Variants in DRICH1 observed in about 807,000 individuals in gnomAD.
The protein encoded by DRICH1 is aspartate rich 1, also known as aspartate-rich protein 1.
In DRICH1, 38 loss-of-function variants were observed where a neutral mutation model predicts 39.5. That is an observed-to-expected ratio of 0.96 (90% CI 0.74 to 1.26). DRICH1 has a LOEUF of 1.26. Among genes scored for constraint, DRICH1 ranks in the 50% most tolerant of loss-of-function variants. The pLI is 0.00. For missense variants in DRICH1, 279 were observed against 270.4 expected (o/e 1.03, Z -0.22); for synonymous variants, 84 against 99.5 (o/e 0.84, Z 0.93).
intron 6 of DRICH1, among the ~76,000 whole-genome samples, chr22:23,618,852 T>TTCAGACATACAAAATATTGGTATAAGA (rs1927535639): frequency 2.6e-5 from 4 of 152,158 alleles, no homozygotes; most frequent in Non-Finnish European, 5.9e-5. Flanking sequence ...TGCCTATTCA[T>TTCAGACATACAAAATATTGGTATAAGA]TCAGACATAC....
the DRICH1 span, among the ~76,000 whole-genome samples, chr22:23,582,074 G>C: frequency 1.1e-4 from 16 of 146,308 alleles, no homozygotes; most frequent in South Asian, 3.3e-3. Context: ...CTTTCTCCCG[G>C]GTTCAAGCGA....
chr22:23,590,063 G>C, the DRICH1 span, among the ~76,000 whole-genome samples: 1 of 152,062 alleles, frequency 6.6e-6, no homozygotes, highest in Non-Finnish European at 1.5e-5. Flanking sequence ...GGAATTGGTC[G>C]AAGGTTTCCT....
downstream of DRICH1, among the ~76,000 whole-genome samples, chr22:23,606,199 C>T (rs77784063): frequency 5.5e-3 from 836 of 152,220 alleles, 9 homozygotes; most frequent in African/African-American, 0.019. Context: ...CTCCTCAACC[C>T]TCTGGCTTGT....
In DRICH1 at chr22:23,632,099, T is replaced by C; in HGVS notation, c.-76A>G. Reference sequence around the variant, plus strand: ...AACTGTGCTGCCCTAGCAGCCACACTACTGAGGGTGGCCCTGCACTTTTAG... The same window carrying C: ...AACTGTGCTGCCCTAGCAGCCACACCACTGAGGGTGGCCCTGCACTTTTAG... On this transcript the variant is annotated 5_prime_UTR_variant, in exon 1 of 12. Coordinates refer to ENST00000317749, the MANE Select transcript of DRICH1 (RefSeq NM_016449.4). The C allele has an allele frequency of 6.3e-7, 1 of 1,588,448 alleles. No individual in the cohort carries two copies. The highest frequency in any genetic ancestry group is 2.3e-5 in the East Asian group (1 of 44,110).
rs147645493 is a variant in DRICH1 at position 23,621,743 on chromosome 22, G to A, written c.384+348C>T. 3.2e-3 allele frequency among the ~76,000 whole-genome samples: 486 copies of A among 152,170 alleles called. 4 individuals carry two copies. The highest frequency in any genetic ancestry group is 5.2e-3 in the Non-Finnish European group (351 of 68,004). ...AGCCTGGCCAAAATGGTAAAACACC[G>A]TCTCTACTAAGAATACAAAAATTAT... is the stretch of plus-strand genomic sequence containing the variant. On this transcript the variant is annotated intron_variant, in intron 4 of 11. Coordinates refer to ENST00000317749, the MANE Select transcript of DRICH1 (RefSeq NM_016449.4).
chr22:23,629,417 G>C (rs1471696192), intron 1 of DRICH1, among the ~76,000 whole-genome samples: 2 of 152,166 alleles, frequency 1.3e-5, no homozygotes, highest in Non-Finnish European at 2.9e-5. Context: ...CCCCAACAGT[G>C]GGACAGTCCA....
chr22:23,590,331 G>C, the DRICH1 span, among the ~76,000 whole-genome samples: 1 of 147,564 alleles, frequency 6.8e-6, no homozygotes, highest in Admixed American at 6.8e-5. Context: ...TGGCTGAAGT[G>C]CAGTGGTGTG....
chr22:23,605,939 T>C (rs1926702504), downstream of DRICH1, among the ~76,000 whole-genome samples: 1 of 151,802 alleles, frequency 6.6e-6, no homozygotes, highest in Non-Finnish European at 1.5e-5. Context: ...TAGCCAGCCA[T>C]TGTGTGCACC....
chr22:23,612,961 C>G (rs1204091460), intron 11 of DRICH1, among the ~76,000 whole-genome samples: 2 of 152,156 alleles, frequency 1.3e-5, no homozygotes, highest in Non-Finnish European at 2.9e-5. Flanking sequence ...AGATGACACC[C>G]AGTGCTTAGG....
chr22:23,628,538 C>A (rs1206940890), intron 1 of DRICH1, among the ~76,000 whole-genome samples: 1 of 150,260 alleles, frequency 6.7e-6, no homozygotes, highest in African/African-American at 2.4e-5. Context: ...CTGCACTACT[C>A]CAGCCTGGGC....
chr22:23,613,277 G>C lies in DRICH1; in HGVS notation c.685+12C>G, dbSNP rs74478390. 4 of 1,610,070 alleles carry C rather than the reference G, an allele frequency of 2.5e-6. No homozygotes were observed. Among genetic ancestry groups the C allele is most frequent in the Non-Finnish European group, 3.4e-6 (4 of 1,177,380 alleles). On this transcript the variant is annotated intron_variant, in intron 11 of 11. Coordinates refer to ENST00000317749, the MANE Select transcript of DRICH1 (RefSeq NM_016449.4). ...TTTCCCATTGGGTTTTTGCTGGCACGTAGTTCCCTACCTGGATGAATCTCT... is the reference window on the plus strand; with the variant it reads ...TTTCCCATTGGGTTTTTGCTGGCACCTAGTTCCCTACCTGGATGAATCTCT...
At position 23,612,384 on chromosome 22, in the gene DRICH1, G is replaced by T. The variant is rs34888743; in HGVS notation, c.685+905C>A. Among the ~76,000 whole-genome samples the T allele has an allele frequency of 1.3e-4, 19 of 149,564 alleles. No homozygotes were observed. The East Asian group carries it at 2.6e-3, about 21-fold the overall frequency. On this transcript the variant is annotated intron_variant, in intron 11 of 11. Coordinates refer to ENST00000317749, the MANE Select transcript of DRICH1 (RefSeq NM_016449.4). ...CGGGAGGCTGAGGCACGAGAATGGC[G>T]TGAACCCGGGAGGCGGAGCTTGCAG...
At chr22:23,600,046 G>A in the DRICH1 span, among the ~76,000 whole-genome samples, 1 of 152,146 alleles carries the variant, frequency 6.6e-6, no homozygotes, top group Non-Finnish European at 1.5e-5. Context: ...GTGTGTGTAC[G>A]GACAGATATA....
At chr22:23,607,557 T>C (rs10427863), downstream of DRICH1, among the ~76,000 whole-genome samples, 56,008 of 150,738 alleles carry the variant, frequency 0.37, 10,894 homozygotes, top group East Asian at 0.62. Flanking sequence ...GCCTCTTGCC[T>C]TCCCTAAGTC....
the DRICH1 span, among the ~76,000 whole-genome samples, chr22:23,582,720 A>G: frequency 2.0e-5 from 3 of 151,970 alleles, no homozygotes; most frequent in South Asian, 6.2e-4. Context: ...GCCCGCCATC[A>G]TGCTAAATTT....
downstream of DRICH1, among the ~76,000 whole-genome samples, chr22:23,607,485 C>T (rs573929281): frequency 2.2e-4 from 33 of 151,680 alleles, no homozygotes; most frequent in African/African-American, 7.0e-4. Flanking sequence ...GGCCAGTCAC[C>T]GACCCCCAGA....
chr22:23,616,345 A>G (rs542060930), intron 8 of DRICH1, among the ~76,000 whole-genome samples: 1 of 152,326 alleles, frequency 6.6e-6, no homozygotes, highest in African/African-American at 2.4e-5. Context: ...AAAACACAGG[A>G]TACTCAAAAG....
At chr22:23,596,836 G>A in the DRICH1 span, among the ~76,000 whole-genome samples, 1 of 152,132 alleles carries the variant, frequency 6.6e-6, no homozygotes, top group African/African-American at 2.4e-5. Flanking sequence ...TCTGTATTCT[G>A]TGAGTCTGTT....
rs908038154 is a variant in DRICH1, at chr22:23,626,118, T to A, written c.209-70A>T. ...CTGGGAGTCCCTCAGGGAGCTTTGCTGGATGCGGCACATGGAGCGTGGGAC... is the reference window on the plus strand; with the variant it reads ...CTGGGAGTCCCTCAGGGAGCTTTGCAGGATGCGGCACATGGAGCGTGGGAC... On this transcript the variant is annotated intron_variant, in intron 1 of 11. Transcript: ENST00000317749. The A allele has an allele frequency of 6.5e-5, 69 of 1,053,518 alleles. 1 individual carries two copies. The highest frequency in any genetic ancestry group is 4.4e-6 in the Non-Finnish European group (3 of 676,416). 65.3% of individuals were successfully genotyped at this position (1,053,518 alleles called of 1,614,324 possible).
Sources: allele counts gnomAD v4.1 joint callset (sites outside exome capture counted in the v4.1 genomes callset), GRCh38; gene constraint gnomAD v4.1.1; transcripts MANE v1.5; gene names NCBI Gene and HGNC (gene_info 2026-07-23, HGNC 2026-07-21).